The following WNT5B variants were observed in gnomAD, a reference collection of about 807,000 sequenced individuals.
WNT5B encodes the protein Wnt family member 5B.
Under a neutral mutation model 36.5 loss-of-function variants are expected in WNT5B, and 18 were observed. That is an observed-to-expected ratio of 0.49 (90% CI 0.34 to 0.73). WNT5B has a LOEUF of 0.73. Among genes scored for constraint, WNT5B ranks in the 30% least tolerant of loss-of-function variants. The pLI, the probability that WNT5B is intolerant of heterozygous loss-of-function variation, is 0.01. For synonymous variants in WNT5B, 213 were observed against 212.3 expected (o/e 1.00, Z -0.03); for missense variants, 424 against 508.4 (o/e 0.83, Z 1.60).
rs1214910936 is a variant in WNT5B, at chr12:1,633,402, A to G, written c.328+497A>G. Among the ~76,000 whole-genome samples the G allele has an allele frequency of 6.6e-6, 1 of 151,850 alleles. No homozygotes were observed. Among genetic ancestry groups the G allele is most frequent in the Non-Finnish European group, 1.5e-5 (1 of 67,970 alleles). ...AGTGTTGATAGCTGTCACTAACCCA[A>G]CCCCATCCAGTCCCAGCTTTTTCTT... On this transcript the variant is annotated intron_variant, in intron 3 of 4. Transcript: ENST00000397196. This position sits in a 1 kb window ranked among gnomAD's most constrained non-coding sequence, Gnocchi z 4.8.
chr12:1,631,016 C>A (rs2094549684), intron 1 of WNT5B: 2 of 188,660 alleles, frequency 1.1e-5, no homozygotes, highest in African/African-American at 2.3e-5. Context: ...GCAAGCTCCG[C>A]TCTTGAAATT....
upstream of WNT5B, among the ~76,000 whole-genome samples, chr12:1,627,073 G>C (rs1383471003): frequency 1.3e-5 from 2 of 152,164 alleles, no homozygotes; most frequent in Non-Finnish European, 2.9e-5. This position sits in a 1 kb window ranked among gnomAD's most constrained non-coding sequence, Gnocchi z 5.0. Flanking sequence ...AGATGAGCAC[G>C]CCACACTATT....
At chr12:1,640,902 C>G (rs1565611858) in intron 4 of WNT5B, among the ~76,000 whole-genome samples, 1 of 152,340 alleles carries the variant, frequency 6.6e-6, no homozygotes, top group East Asian at 1.9e-4. Context: ...GGGCGTCCAC[C>G]CGGGTTTCCT....
chr12:1,639,663 CGCCCTGGCCTCATTCTGCAGGCA>C lies in WNT5B; in HGVS notation c.329-17_334del. On this transcript the variant is annotated splice_acceptor_variant and splice_polypyrimidine_tract_variant and coding_sequence_variant and intron_variant, in exon 4 of 5. Transcript: ENST00000397196. LOFTEE classifies it high-confidence loss of function. ...GGGAGAGGAGAGCGCACCCGCTTAC[CGCCCTGGCCTCATTCTGCAGGCA>C]GCCGAGAGACCGCCTTCACCCACGC... 1 of 1,492,044 alleles carries C rather than the reference CGCCCTGGCCTCATTCTGCAGGCA, an allele frequency of 6.7e-7. No individual in the cohort carries two copies. The highest frequency in any genetic ancestry group is 8.8e-7 in the Non-Finnish European group (1 of 1,131,450). The allele number at this position is 1,492,044 out of a possible 1,614,324, so 92.4% of individuals were successfully genotyped here.
At chr12:1,624,060 C>T (rs1026918277) in intron 1 of WNT5B, among the ~76,000 whole-genome samples, 5 of 152,124 alleles carry the variant, frequency 3.3e-5, no homozygotes, top group Non-Finnish European at 5.9e-5. Context: ...TCACACTATT[C>T]GCAGCCGTAG....
At chr12:1,621,668 AGTAGCTAGGATTACAGACAT>A (rs2094533923) in intron 1 of WNT5B, among the ~76,000 whole-genome samples, 1 of 151,302 alleles carries the variant, frequency 6.6e-6, no homozygotes, top group Non-Finnish European at 1.5e-5. Flanking sequence ...CAGCCTCCTA[AGTAGCTAGGATTACAGACAT>A]GTGCCACCAT....
rs747197742 is a variant in WNT5B at position 1,639,666 on chromosome 12, C to T, written c.329-18C>T. ...AGAGGAGAGCGCACCCGCTTACCGC[C>T]CTGGCCTCATTCTGCAGGCAGCCGA... On this transcript the variant is annotated intron_variant, in intron 3 of 4. Coordinates refer to ENST00000397196, the MANE Select transcript of WNT5B (RefSeq NM_032642.3). 49 of 1,512,540 alleles carry T rather than the reference C, an allele frequency of 3.2e-5. No individual in the cohort carries two copies. Among genetic ancestry groups the T allele is most frequent in the Non-Finnish European group, 4.0e-5 (46 of 1,140,588 alleles). 93.7% of individuals were successfully genotyped at this position (1,512,540 alleles called of 1,614,324 possible). A position where few individuals can be genotyped will look rare whatever the true frequency, so the allele number is the denominator to read the frequency against.
At position 1,630,184 on chromosome 12, in the gene WNT5B, G is replaced by C; in HGVS notation, c.-58+813G>C. ...GGAGCCTGGGGACGCCGACGCGCGA[G>C]AGTGGCGCAGTGAGCCGGGGCGCGC... is the stretch of plus-strand genomic sequence containing the variant. On this transcript the variant is annotated intron_variant, in intron 1 of 4. Transcript: ENST00000397196. The surrounding 1 kb of genome is among the most constrained non-coding windows in gnomAD (Gnocchi z 5.3). 1 of 985,376 alleles carries C rather than the reference G, an allele frequency of 1.0e-6. No individual in the cohort carries two copies. The highest frequency in any genetic ancestry group is 5.2e-4 in the Middle Eastern group (1 of 1,912). The allele number at this position is 985,376 out of a possible 1,614,324, so 61.0% of individuals were successfully genotyped here. A position where few individuals can be genotyped will look rare whatever the true frequency, so the allele number is the denominator to read the frequency against.
intron 1 of WNT5B, among the ~76,000 whole-genome samples, chr12:1,621,444 A>C (rs988980450): frequency 3.3e-5 from 5 of 152,220 alleles, no homozygotes; most frequent in Non-Finnish European, 7.3e-5. Context: ...CTTTGACCCC[A>C]TTCCTGCAGT....
chr12:1,621,630 G>T (rs2094533884), intron 1 of WNT5B, among the ~76,000 whole-genome samples: 1 of 151,792 alleles, frequency 6.6e-6, no homozygotes, highest in Non-Finnish European at 1.5e-5. Flanking sequence ...GCTCACTGCA[G>T]CCTTGACCTC....
chr12:1,630,599 A>G lies in WNT5B; in HGVS notation c.-57-699A>G, dbSNP rs1361000085. Among the ~76,000 whole-genome samples, 1 of 152,038 alleles carries G rather than the reference A, an allele frequency of 6.6e-6. No homozygotes were observed. On this transcript the variant is annotated intron_variant, in intron 1 of 4. Coordinates refer to ENST00000397196, the MANE Select transcript of WNT5B (RefSeq NM_032642.3). This position sits in a 1 kb window ranked among gnomAD's most constrained non-coding sequence, Gnocchi z 5.3. ...CGCCCTCGAGGACCACGGTGCCGGG[A>G]GGGGCAGGGGCCGCCTAGGGAGGCA...
In WNT5B at chr12:1,639,798, G is replaced by C; in HGVS notation, c.443G>C (p.Arg148Pro). ...LSTCGCSRTA[R>P]PKDLPRDWLW... ...ACCTGCGGCTGCAGCCGGACGGCGC[G>C]GCCCAAGGACCTGCCCCGGGACTGG... is the stretch of plus-strand genomic sequence containing the variant. The change falls in exon 4 of 5, where the codon CGG becomes CCG. Residue 148 changes from arginine (R) to proline (P), a missense_variant. By Grantham distance (103) the Arg-to-Pro change is moderately radical (BLOSUM62 -2). Coordinates refer to ENST00000397196, the MANE Select transcript of WNT5B (RefSeq NM_032642.3). 1 of 1,612,608 alleles carries C rather than the reference G, an allele frequency of 6.2e-7. No homozygotes were observed. Among genetic ancestry groups the C allele is most frequent in the Non-Finnish European group, 8.5e-7 (1 of 1,179,424 alleles).
intron 1 of WNT5B, chr12:1,631,039 TTC>T (rs1444416264): frequency 4.4e-6 from 1 of 228,096 alleles, no homozygotes; most frequent in African/African-American, 2.3e-5. Context: ...TTGTTTTCAT[TTC>T]TCTTTGTGGT....
At chr12:1,635,674 T>G (rs1053845354) in intron 3 of WNT5B, among the ~76,000 whole-genome samples, 3 of 152,192 alleles carry the variant, frequency 2.0e-5, no homozygotes, top group African/African-American at 7.2e-5. Flanking sequence ...CCATGTCAGG[T>G]GGTTGAGGCT....
In WNT5B at chr12:1,630,032, G is replaced by A. The variant is rs1489359373; in HGVS notation, c.-58+661G>A. 1 of 799,880 alleles carries A rather than the reference G, an allele frequency of 1.3e-6. No individual in the cohort carries two copies. Among genetic ancestry groups the A allele is most frequent in the Non-Finnish European group, 1.5e-6 (1 of 660,084 alleles). 49.5% of individuals were successfully genotyped at this position (799,880 alleles called of 1,614,324 possible). ...AGGCTTCGAGAAGGAAAATCAAAAGGGGGCTTGGGGAAGGGCTGTGTCCCA... is the reference window on the plus strand; with the variant it reads ...AGGCTTCGAGAAGGAAAATCAAAAGAGGGCTTGGGGAAGGGCTGTGTCCCA... On this transcript the variant is annotated intron_variant, in intron 1 of 4. Coordinates refer to ENST00000397196, the MANE Select transcript of WNT5B (RefSeq NM_032642.3). This position sits in a 1 kb window ranked among gnomAD's most constrained non-coding sequence, Gnocchi z 5.3.
chr12:1,640,307 C>A (rs28384807), intron 4 of WNT5B, among the ~76,000 whole-genome samples: 5,744 of 152,270 alleles, frequency 0.038, 192 homozygotes, highest in African/African-American at 0.08. Flanking sequence ...TTGGCCACCC[C>A]TCCTTTGCAA....
chr12:1,621,944 C>T (rs1186862317), intron 1 of WNT5B, among the ~76,000 whole-genome samples: 2 of 152,150 alleles, frequency 1.3e-5, no homozygotes, highest in African/African-American at 4.8e-5. Context: ...TATCTCTCCT[C>T]TTCTTCGAAA....
In WNT5B at chr12:1,618,502, A is replaced by G. The variant is rs7133671; in HGVS notation, c.-58+1359A>G. Among the ~76,000 whole-genome samples the G allele has an allele frequency of 0.21, 32,116 of 152,164 alleles. 4,324 individuals are homozygous for G. The highest frequency in any genetic ancestry group is 0.38 in the African/African-American group (15,798 of 41,468). On this transcript the variant is annotated intron_variant, in intron 1 of 4. Coordinates refer to the WNT5B transcript ENST00000310594. The surrounding 1 kb of genome is among the most constrained non-coding windows in gnomAD (Gnocchi z 4.1). ...GACAAGAGCATCTAAACACCCCTCA[A>G]TCCTCCAGCCCTTGAAAACAAAGTC...
intron 1 of WNT5B, among the ~76,000 whole-genome samples, chr12:1,620,462 ATTGTT>A (rs2154439232): frequency 1.3e-5 from 2 of 151,790 alleles, no homozygotes; most frequent in East Asian, 3.9e-4. Flanking sequence ...ATCACAGTTA[ATTGTT>A]TTGTCCATTC....
Sources: gnomAD v4.1 joint callset for allele counts (sites outside exome capture counted in the v4.1 genomes callset) on GRCh38, gnomAD v4.1.1 for gene constraint, Gnocchi (gnomAD v3.1) non-coding constraint, MANE v1.5 for transcripts, NCBI Gene and HGNC (gene_info 2026-07-23, HGNC 2026-07-21) for gene names.